Variants in CFAP299 observed in about 807,000 individuals in gnomAD.
CFAP299 encodes cilia and flagella associated protein 299.
CFAP299 carries 21 observed loss-of-function variants against 27.0 expected under a neutral mutation model. The observed-to-expected ratio is 0.78, with a 90% CI of 0.55 to 1.12. The LOEUF is 1.12. Among genes scored for constraint, CFAP299 ranks in the 50% most tolerant of loss-of-function variants. The probability of loss-of-function intolerance (pLI) is 0.00; values close to 1 mark genes in which losing one functional copy is unlikely to be tolerated. For synonymous variants in CFAP299, 104 were observed against 98.1 expected (o/e 1.06, Z -0.36); for missense variants, 310 against 276.6 (o/e 1.12, Z -0.86).
chr4:80,634,123 A>G (rs1739366784), intron 3 of CFAP299, among the ~76,000 whole-genome samples: 1 of 151,358 alleles, frequency 6.6e-6, no homozygotes, highest in African/African-American at 2.4e-5. Context: ...AGCAGGGACT[A>G]CAGTGTGCAC....
intron 3 of CFAP299, among the ~76,000 whole-genome samples, chr4:80,860,249 C>T (rs1732232889): frequency 6.6e-6 from 1 of 152,216 alleles, no homozygotes; most frequent in Non-Finnish European, 1.5e-5. Flanking sequence ...CGAGCCTTGG[C>T]TTTCAGCTCC....
chr4:80,379,073 G>C (rs191694489), intron 2 of CFAP299, among the ~76,000 whole-genome samples: 92 of 152,124 alleles, frequency 6.0e-4, no homozygotes, highest in African/African-American at 2.1e-3. Context: ...TACCACTGGA[G>C]TTTTCTTTGA....
rs1728094664 is a variant in CFAP299, at chr4:80,436,576, A to G, written c.242+73692A>G. 3.9e-5 allele frequency among the ~76,000 whole-genome samples: 6 copies of G among 152,214 alleles called. No individual in the cohort carries two copies. The South Asian group carries it at 1.2e-3, about 31-fold the overall frequency. ...CTTGGCCTCCCAAAGTGCTGGGATT[A>G]CAGGTGTGAGCCACCGTGCCTGGCC... On this transcript the variant is annotated intron_variant, in intron 2 of 5. Transcript: ENST00000358105.
intron 2 of CFAP299, among the ~76,000 whole-genome samples, chr4:80,365,657 C>G (rs369368480): frequency 6.6e-6 from 1 of 152,116 alleles, no homozygotes; most frequent in East Asian, 1.9e-4. Context: ...TGTAAAACAT[C>G]AGGGAGAGTC....
intron 2 of CFAP299, among the ~76,000 whole-genome samples, chr4:80,519,037 A>C (rs1162666577): frequency 6.6e-6 from 1 of 152,186 alleles, no homozygotes; most frequent in Non-Finnish European, 1.5e-5. Flanking sequence ...AGAAGAGTCA[A>C]AAATTTCATT....
At chr4:80,351,376 A>G (rs1723008233) in intron 1 of CFAP299, among the ~76,000 whole-genome samples, 2 of 152,180 alleles carry the variant, frequency 1.3e-5, no homozygotes, top group Admixed American at 1.3e-4. Context: ...TAATGTTGCA[A>G]TGGGTTCTTA....
At chr4:80,571,550 A>G (rs1434577367) in intron 2 of CFAP299, among the ~76,000 whole-genome samples, 2 of 152,158 alleles carry the variant, frequency 1.3e-5, no homozygotes, top group African/African-American at 4.8e-5. Context: ...AAATTATTAC[A>G]TCTTGTTCCA....
Position 80,520,768 on chromosome 4 carries a change from T to C in CFAP299, c.243-62325T>C, listed in dbSNP as rs188461142. Among the ~76,000 whole-genome samples the C allele has an allele frequency of 9.3e-4, 142 of 152,364 alleles. No individual in the cohort carries two copies. The South Asian group carries it at 0.019, about 20-fold the overall frequency. ...TTTTAAAAAATTGAAACTATAGCTA[T>C]ATTTATGCACATTAAACAAGACTTT... is the stretch of plus-strand genomic sequence containing the variant. On this transcript the variant is annotated intron_variant, in intron 2 of 5. Coordinates refer to ENST00000358105, the MANE Select transcript of CFAP299 (RefSeq NM_152770.3).
intron 5 of CFAP299, among the ~76,000 whole-genome samples, chr4:80,947,462 C>T (rs1737535254): frequency 6.6e-6 from 1 of 152,070 alleles, no homozygotes; most frequent in African/African-American, 2.4e-5. Context: ...ACTCAACTTC[C>T]CTGGGTTTTA....
intron 4 of CFAP299, among the ~76,000 whole-genome samples, chr4:80,925,128 AGCTT>A (rs1736242189): frequency 1.3e-5 from 2 of 151,912 alleles, no homozygotes; most frequent in Admixed American, 6.6e-5. Flanking sequence ...ATTGCTCTTA[AGCTT>A]ACTATGTCCC....
chr4:80,323,655 A>T, the CFAP299 span, among the ~76,000 whole-genome samples: 1 of 152,250 alleles, frequency 6.6e-6, no homozygotes, highest in Non-Finnish European at 1.5e-5. Flanking sequence ...CATGTATATT[A>T]TAATGGTTAA....
chr4:80,336,747 C>T (rs1430230987), intron 1 of CFAP299: 1 of 152,236 alleles, frequency 6.6e-6, no homozygotes, highest in African/African-American at 2.4e-5. Context: ...TGGACACTCA[C>T]CTGGAGAGTC....
chr4:80,490,838 G>A (rs1731083472), intron 2 of CFAP299, among the ~76,000 whole-genome samples: 1 of 151,674 alleles, frequency 6.6e-6, no homozygotes, highest in Non-Finnish European at 1.5e-5. Context: ...TTCTGCAGAA[G>A]GGATTACTGT....
At chr4:80,870,885 A>C (rs960927333) in intron 4 of CFAP299, 8 of 985,200 alleles carry the variant, frequency 8.1e-6, no homozygotes, top group Non-Finnish European at 9.6e-6. Flanking sequence ...TTATCTGAAG[A>C]CTTCCTTATC....
chr4:80,562,657 CAATAATAATAAT>C (rs144281838), intron 2 of CFAP299, among the ~76,000 whole-genome samples: 8 of 140,840 alleles, frequency 5.7e-5, no homozygotes, highest in Non-Finnish European at 1.1e-4. Flanking sequence ...GACTCAATTT[CAATAATAATAAT>C]AATAATAATA....
chr4:80,948,794 G>C (rs1394340961), intron 5 of CFAP299, among the ~76,000 whole-genome samples: 2 of 151,934 alleles, frequency 1.3e-5, no homozygotes, highest in African/African-American at 4.8e-5. Context: ...TCATTGAATT[G>C]ATGATTGAAT....
intron 3 of CFAP299, among the ~76,000 whole-genome samples, chr4:80,758,536 C>T (rs975246068): frequency 6.6e-6 from 1 of 152,084 alleles, no homozygotes; most frequent in Non-Finnish European, 1.5e-5. Context: ...GGCCATGGTT[C>T]CAGGCTTGAG....
At chr4:80,331,246 T>G (rs1407476401), upstream of CFAP299, among the ~76,000 whole-genome samples, 1 of 152,188 alleles carries the variant, frequency 6.6e-6, no homozygotes. Context: ...ATGTAACGTG[T>G]GCAGTAGAGG....
intron 3 of CFAP299, among the ~76,000 whole-genome samples, chr4:80,747,743 TATG>T (rs1724702986): frequency 6.6e-6 from 1 of 152,058 alleles, no homozygotes; most frequent in African/African-American, 2.4e-5. Context: ...TGCCAAATGT[TATG>T]ATATCTGACT....
Sources: allele counts gnomAD v4.1 joint callset (sites outside exome capture counted in the v4.1 genomes callset), GRCh38; gene constraint gnomAD v4.1.1; transcripts MANE v1.5; gene names NCBI Gene and HGNC (gene_info 2026-07-23, HGNC 2026-07-21).